COL19A1: variants seen among roughly 807,000 people sequenced by gnomAD.
COL19A1 encodes the protein collagen alpha-1(XIX) chain.
A neutral mutation model predicts 190.2 loss-of-function variants in COL19A1; 159 were observed. The ratio of observed to expected loss-of-function variants is 0.84; its 90% CI spans 0.73 to 0.95. The LOEUF (loss-of-function observed/expected upper bound fraction) is 0.95, where lower values mean the gene tolerates loss of function less well. Ranked by LOEUF, COL19A1 falls within the 40% of genes least tolerant of loss-of-function variation. The pLI is 0.00. For synonymous variants in COL19A1, 509 were observed against 458.9 expected, an observed-to-expected ratio of 1.11 and a Z score of -1.39; for missense variants, 1,418 against 1,431.9, an observed-to-expected ratio of 0.99 and a Z score of 0.16.
rs563918703 is a variant in COL19A1 at position 69,882,333 on chromosome 6, ATTTG to A, written c.91+2679_91+2682del. Among the ~76,000 whole-genome samples, 759 of 152,300 alleles carry A rather than the reference ATTTG, an allele frequency of 5.0e-3. 4 individuals carry two copies. The highest frequency in any genetic ancestry group is 8.4e-3 in the Non-Finnish European group (569 of 68,020). ...CTATTGAGATCATGGGATAAGATAT[ATTTG>A]TTTATTTTCCCACTGCAAATGAACT... On this transcript the variant is annotated intron_variant, in intron 2 of 50. Transcript: ENST00000620364.
intron 15 of COL19A1, among the ~76,000 whole-genome samples, chr6:70,077,103 G>A (rs1781928873): frequency 6.6e-6 from 1 of 152,114 alleles, no homozygotes; most frequent in Non-Finnish European, 1.5e-5. Context: ...GACTTTGAAA[G>A]CCAGCAAATT....
Position 70,142,035 on chromosome 6 carries a change from G to T in COL19A1, c.1531G>T (p.Asp511Tyr), listed in dbSNP as rs759935664. 18 of 1,612,316 alleles carry T rather than the reference G, an allele frequency of 1.1e-5. No homozygotes were observed. Among genetic ancestry groups the T allele is most frequent in the South Asian group, 5.5e-5 (5 of 91,038 alleles). ...CCCACGTGTTTAGGGTGAACCTGGA[G>T]ATCCCGGACCCCCTGGTTTAATAGG... ...GSQGVKGEPGDPGPPGLIGSP... is the reference protein window; with the variant it reads ...GSQGVKGEPGYPGPPGLIGSP... The change falls in exon 22 of 51, where the codon GAT becomes TAT. Residue 511 changes from aspartate to tyrosine, a missense_variant. Transcript: ENST00000620364.
Position 70,076,612 on chromosome 6 carries a change from A to G in COL19A1, c.1224+8136A>G, listed in dbSNP as rs190204015. ...CTGCTCTTTTTTTCTCAGGAGAGCA[A>G]TTGGATCAATTTGTGACTTCAGCCA... is the stretch of plus-strand genomic sequence containing the variant. On this transcript the variant is annotated intron_variant, in intron 15 of 50. Coordinates refer to ENST00000620364, the MANE Select transcript of COL19A1 (RefSeq NM_001858.6). 3.9e-5 allele frequency among the ~76,000 whole-genome samples: 6 copies of G among 152,270 alleles called. No homozygotes were observed. In the East Asian group the frequency reaches 1.2e-3, roughly 29 times the overall value.
intron 4 of COL19A1, among the ~76,000 whole-genome samples, chr6:69,918,221 G>A (rs1258422699): frequency 6.6e-6 from 1 of 152,156 alleles, no homozygotes; most frequent in Non-Finnish European, 1.5e-5. Flanking sequence ...GGAGGGACCT[G>A]GTCTGATTTT....
intron 14 of COL19A1, among the ~76,000 whole-genome samples, chr6:70,039,052 G>A (rs1015496965): frequency 1.1e-4 from 16 of 150,484 alleles, no homozygotes; most frequent in African/African-American, 3.7e-4. Flanking sequence ...GCAAGACTCC[G>A]TCTGAAAAAA....
At chr6:70,017,110 A>G (rs1462373857) in intron 11 of COL19A1, among the ~76,000 whole-genome samples, 2 of 152,174 alleles carry the variant, frequency 1.3e-5, no homozygotes, top group African/African-American at 4.8e-5. Flanking sequence ...CTGGTGAATT[A>G]ATAAATAAAA....
Position 69,929,717 on chromosome 6 carries a change from G to T in COL19A1, c.666+17G>T. ...CCTGTGGATGTAAGTTGTGATGTTA[G>T]TTGTGAAAGAGAACTAAAATTTCTA... is the stretch of plus-strand genomic sequence containing the variant. On this transcript the variant is annotated intron_variant, in intron 6 of 50. Coordinates refer to ENST00000620364, the MANE Select transcript of COL19A1 (RefSeq NM_001858.6). The T allele has an allele frequency of 6.4e-7, 1 of 1,569,708 alleles. No individual in the cohort carries two copies. The highest frequency in any genetic ancestry group is 8.6e-7 in the Non-Finnish European group (1 of 1,161,946).
intron 15 of COL19A1, among the ~76,000 whole-genome samples, chr6:70,080,532 A>G (rs1483020721): frequency 6.6e-6 from 1 of 152,170 alleles, no homozygotes; most frequent in African/African-American, 2.4e-5. Flanking sequence ...GTCTGAATTC[A>G]TTTATTTTGT....
intron 14 of COL19A1, among the ~76,000 whole-genome samples, chr6:70,040,130 T>A (rs1179475135): frequency 2.0e-5 from 3 of 152,062 alleles, no homozygotes; most frequent in East Asian, 1.9e-4. Context: ...GTACTTAAAT[T>A]TTTTTTAATC....
chr6:69,957,063 A>G (rs1203951621), intron 9 of COL19A1, among the ~76,000 whole-genome samples: 1 of 151,998 alleles, frequency 6.6e-6, no homozygotes, highest in Non-Finnish European at 1.5e-5. Flanking sequence ...GCTTGGTCTC[A>G]TTTATACTGG....
At chr6:70,100,387 G>A (rs1003209770) in intron 15 of COL19A1, among the ~76,000 whole-genome samples, 1 of 152,088 alleles carries the variant, frequency 6.6e-6, no homozygotes, top group African/African-American at 2.4e-5. Context: ...TGGTGTACAT[G>A]TGTATAACTT....
chr6:69,956,155 A>G (rs78489705), intron 9 of COL19A1, among the ~76,000 whole-genome samples: 28 of 152,108 alleles, frequency 1.8e-4, no homozygotes, highest in African/African-American at 6.7e-4. Context: ...ATTTTAAGAG[A>G]GTAGATGTTG....
At chr6:70,166,621 C>T (rs941921244) in intron 37 of COL19A1, among the ~76,000 whole-genome samples, 1 of 152,186 alleles carries the variant, frequency 6.6e-6, no homozygotes, top group Non-Finnish European at 1.5e-5. Context: ...CCCTTTTCTA[C>T]CCCACCTCAC....
chr6:70,121,824 T>G, intron 16 of COL19A1, 56 bp from the exon 17 acceptor site: 1 of 1,084,214 alleles, frequency 9.2e-7, no homozygotes. Context: ...GTTATTTAAA[T>G]ATTCATTGTT....
At chr6:69,977,945 A>T (rs1775813390) in intron 11 of COL19A1, among the ~76,000 whole-genome samples, 2 of 152,204 alleles carry the variant, frequency 1.3e-5, no homozygotes, top group Non-Finnish European at 2.9e-5. Context: ...TCATATTGAA[A>T]AAAAAAATTT....
chr6:70,121,992 A>G lies in COL19A1; in HGVS notation c.1341+50A>G, dbSNP rs766139581. The G allele has an allele frequency of 2.4e-6, 3 of 1,255,002 alleles. No homozygotes were observed. In the East Asian group the frequency reaches 7.3e-5, roughly 31 times the overall value. 77.7% of individuals were successfully genotyped at this position (1,255,002 alleles called of 1,614,324 possible). On this transcript the variant is annotated intron_variant, in intron 17 of 50. Transcript: ENST00000620364. ...TTATAATACATAGAAATTTTATATGATTGTATTTTTGAAAAAAAACTTATT... is the reference window on the plus strand; with the variant it reads ...TTATAATACATAGAAATTTTATATGGTTGTATTTTTGAAAAAAAACTTATT...
chr6:69,911,333 T>A (rs1400075471), intron 4 of COL19A1, among the ~76,000 whole-genome samples: 1 of 152,232 alleles, frequency 6.6e-6, no homozygotes, highest in Non-Finnish European at 1.5e-5. Flanking sequence ...GTAAGTTTCC[T>A]ACATCTTGTT....
At chr6:70,112,216 T>G (rs1471097678) in intron 16 of COL19A1, among the ~76,000 whole-genome samples, 2 of 152,140 alleles carry the variant, frequency 1.3e-5, no homozygotes, top group Non-Finnish European at 2.9e-5. Flanking sequence ...AGGTATGGTT[T>G]TTGTTGGTGG....
chr6:70,142,280 A>G (rs942654595), intron 22 of COL19A1, among the ~76,000 whole-genome samples: 7 of 152,128 alleles, frequency 4.6e-5, no homozygotes, highest in African/African-American at 1.7e-4. Flanking sequence ...TAGGATTTCT[A>G]TACTCTTTTT....
Sources: gnomAD v4.1 joint callset for allele counts (sites outside exome capture counted in the v4.1 genomes callset) on GRCh38, gnomAD v4.1.1 for gene constraint, MANE v1.5 for transcripts, NCBI Gene and HGNC (gene_info 2026-07-23, HGNC 2026-07-21) for gene names.